The following EBF2 variants were observed in gnomAD, a reference collection of about 807,000 sequenced individuals.
EBF2 encodes the protein transcription factor COE2.
EBF2 carries 21 observed loss-of-function variants against 72.8 expected under a neutral mutation model. That is an observed-to-expected ratio of 0.29 (90% confidence interval 0.20 to 0.42). The LOEUF is 0.42. EBF2 is among the 10% of genes least tolerant of loss of function. The probability of loss-of-function intolerance (pLI) is 1.00; values close to 1 mark genes in which losing one functional copy is unlikely to be tolerated. For missense variants in EBF2, 637 were observed against 731.2 expected, an observed-to-expected ratio of 0.87 and a Z score of 1.49; for synonymous variants, 299 against 274.2, an observed-to-expected ratio of 1.09 and a Z score of -0.89.
intron 14 of EBF2, among the ~76,000 whole-genome samples, chr8:25,856,410 GTGA>G (rs1802093836): frequency 6.6e-6 from 1 of 152,184 alleles, no homozygotes; most frequent in Admixed American, 6.5e-5. Flanking sequence ...TATTCTGAGT[GTGA>G]TGATGTGTTC....
At chr8:26,019,393 A>T (rs879406775) in intron 6 of EBF2, among the ~76,000 whole-genome samples, 2 of 152,176 alleles carry the variant, frequency 1.3e-5, no homozygotes, top group Non-Finnish European at 2.9e-5. Context: ...GAAGAGACCA[A>T]GATATTCCAC....
rs188466661 is a variant in EBF2 at position 25,994,774 on chromosome 8, T to C, written c.551+38311A>G. 1.1e-3 allele frequency among the ~76,000 whole-genome samples: 163 copies of C among 152,208 alleles called. 1 individual carries two copies. Among genetic ancestry groups the C allele is most frequent in the Non-Finnish European group, 2.8e-4 (19 of 68,010 alleles). On this transcript the variant is annotated intron_variant, in intron 6 of 15. Coordinates refer to ENST00000520164, the MANE Select transcript of EBF2 (RefSeq NM_022659.4). The stretch of plus-strand genomic sequence containing the variant: ...GACACAAATAAGGGAACAACAGACA[T>C]TGGGACTACTTGAGGGTGGAGGGTA...
intron 14 of EBF2, among the ~76,000 whole-genome samples, chr8:25,851,111 A>C (rs1801960107): frequency 6.6e-6 from 1 of 152,082 alleles, no homozygotes; most frequent in Non-Finnish European, 1.5e-5. Flanking sequence ...GAAGACTGAG[A>C]TCAAACATGC....
At chr8:25,858,111 C>T in intron 14 of EBF2, 1 of 704,486 alleles carries the variant, frequency 1.4e-6, no homozygotes. Context: ...CAATCCTTTT[C>T]TTTCCCCAAA....
intron 6 of EBF2, among the ~76,000 whole-genome samples, chr8:25,994,163 TAATC>T (rs1804586891): frequency 6.6e-6 from 1 of 152,146 alleles, no homozygotes; most frequent in South Asian, 2.1e-4. Context: ...GTAAGCCTAA[TAATC>T]AACATAAATA....
chr8:26,010,360 G>T (rs1214103274), intron 6 of EBF2, among the ~76,000 whole-genome samples: 5 of 152,214 alleles, frequency 3.3e-5, no homozygotes, highest in Admixed American at 2.6e-4. Flanking sequence ...GCCCATCAGG[G>T]CGAACCACTG....
chr8:25,904,862 CA>C (rs1446825978), intron 7 of EBF2, among the ~76,000 whole-genome samples: 1 of 152,096 alleles, frequency 6.6e-6, no homozygotes, highest in East Asian at 1.9e-4. Flanking sequence ...TAAAAATTGC[CA>C]ATTCTTTTGT....
chr8:25,991,839 T>A (rs1014712788), intron 6 of EBF2, among the ~76,000 whole-genome samples: 1 of 151,734 alleles, frequency 6.6e-6, no homozygotes, highest in African/African-American at 2.4e-5. Context: ...AGAGTGAGAC[T>A]CTGTCTCAAA....
intron 6 of EBF2, among the ~76,000 whole-genome samples, chr8:26,011,715 T>C (rs538049262): frequency 6.6e-6 from 1 of 152,274 alleles, no homozygotes; most frequent in South Asian, 2.1e-4. Flanking sequence ...AATCAAGTCC[T>C]CATTCACTGC....
intron 6 of EBF2, among the ~76,000 whole-genome samples, chr8:25,957,528 G>A (rs975649170): frequency 1.3e-5 from 2 of 152,054 alleles, no homozygotes; most frequent in African/African-American, 4.8e-5. Context: ...TTTGGAATGG[G>A]TCCCTTGAGT....
chr8:25,883,158 ACATAACATCTGTTATTTT>A (rs1281728915), intron 10 of EBF2, among the ~76,000 whole-genome samples: 2 of 152,224 alleles, frequency 1.3e-5, no homozygotes, highest in African/African-American at 4.8e-5. Flanking sequence ...TTTACATGTA[ACATAACATCTGTTATTTT>A]CACAGGTGTA....
intron 6 of EBF2, among the ~76,000 whole-genome samples, chr8:26,005,303 A>ATAT (rs546516418): frequency 0.016 from 16 of 1,024 alleles, no homozygotes; most frequent in Non-Finnish European, 0.021. Flanking sequence ...AATTATATAT[A>ATAT]ATTATATATT....
Position 26,044,631 on chromosome 8 carries a change from G to T in EBF2, c.131+98C>A. 1 of 1,510,414 alleles carries T rather than the reference G, an allele frequency of 6.6e-7. No individual in the cohort carries two copies. The highest frequency in any genetic ancestry group is 8.9e-7 in the Non-Finnish European group (1 of 1,117,374). The allele number at this position is 1,510,414 out of a possible 1,614,324, so 93.6% of individuals were successfully genotyped here. A position where few individuals can be genotyped will look rare whatever the true frequency, so the allele number is the denominator to read the frequency against. ...GCCTGGGCGACAGATGGGGGGACAG[G>T]GAGAGAGAAAGGCACGGGGTGCGCG... On this transcript the variant is annotated intron_variant, in intron 1 of 15. Transcript: ENST00000520164. This position sits in a 1 kb window ranked among gnomAD's most constrained non-coding sequence, Gnocchi z 4.1.
At chr8:26,023,233 C>T (rs575730460) in intron 6 of EBF2, among the ~76,000 whole-genome samples, 1 of 152,196 alleles carries the variant, frequency 6.6e-6, no homozygotes, top group Non-Finnish European at 1.5e-5. Flanking sequence ...TTCCCAGGCT[C>T]CACGACCTTT....
intron 6 of EBF2, among the ~76,000 whole-genome samples, chr8:25,973,189 G>T (rs1804217832): frequency 6.6e-6 from 1 of 151,954 alleles, no homozygotes; most frequent in Non-Finnish European, 1.5e-5. Flanking sequence ...GTGCCAACTG[G>T]TCTCTCAGGT....
chr8:26,032,559 C>T (rs1274481853), intron 6 of EBF2: 2 of 152,458 alleles, frequency 1.3e-5, no homozygotes, highest in East Asian at 1.9e-4. Flanking sequence ...GAATTAGTGT[C>T]TTGTCCCAAA....
intron 2 of EBF2, 23 bp from the exon 3 acceptor site, chr8:26,041,025 A>AC: frequency 6.2e-7 from 1 of 1,613,574 alleles, no homozygotes; most frequent in Non-Finnish European, 8.5e-7. Flanking sequence ...GCAGCGTTCG[A>AC]TTCCCTTGCC....
chr8:25,979,132 C>CA lies in EBF2; in HGVS notation c.551+53952dup, dbSNP rs541032557. ...CTCTCTGCTGGCTCTGTCACTGTCA[C>CA]ACCCAAAGCCCACAAAACCATCCCA... On this transcript the variant is annotated intron_variant, in intron 6 of 15. Transcript: ENST00000520164. Among the ~76,000 whole-genome samples, 29 of 152,328 alleles carry CA rather than the reference C, an allele frequency of 1.9e-4. No individual in the cohort carries two copies. The South Asian group carries it at 6.0e-3, about 32-fold the overall frequency.
chr8:25,880,205 T>C (rs1802584924), intron 10 of EBF2, among the ~76,000 whole-genome samples: 1 of 152,206 alleles, frequency 6.6e-6, no homozygotes, highest in South Asian at 2.1e-4. Context: ...AAATATGTGG[T>C]CTCAGTTTGT....
Sources: allele counts gnomAD v4.1 joint callset (sites outside exome capture counted in the v4.1 genomes callset), GRCh38; gene constraint gnomAD v4.1.1; non-coding constraint Gnocchi (gnomAD v3.1); transcripts MANE v1.5; gene names NCBI Gene and HGNC (gene_info 2026-07-23, HGNC 2026-07-21).